The following RAB3C variants were observed in gnomAD, a reference collection of about 807,000 sequenced individuals.
The protein encoded by RAB3C is ras-related protein Rab-3C.
Under a neutral mutation model 26.4 loss-of-function variants are expected in RAB3C, and 17 were observed. That is an observed-to-expected ratio of 0.64 (90% CI 0.44 to 0.97). The LOEUF is 0.97. Among genes scored for constraint, RAB3C ranks in the 50% least tolerant of loss-of-function variants. The pLI, the probability that RAB3C is intolerant of heterozygous loss-of-function variation, is 0.00. For synonymous variants in RAB3C, 91 were observed against 95.9 expected (o/e 0.95, Z 0.30); for missense variants, 242 against 281.9 (o/e 0.86, Z 1.01).
At chr5:58,668,759 A>G (rs1342553705) in intron 2 of RAB3C, among the ~76,000 whole-genome samples, 1 of 152,144 alleles carries the variant, frequency 6.6e-6, no homozygotes, top group Non-Finnish European at 1.5e-5. Context: ...AGCCAAAAAT[A>G]GAGTTAGGGG....
intron 2 of RAB3C, among the ~76,000 whole-genome samples, chr5:58,665,745 G>A (rs159005): frequency 1.3e-5 from 2 of 152,068 alleles, no homozygotes; most frequent in East Asian, 1.9e-4. Flanking sequence ...TTCTATCTTC[G>A]TGGTAGCATC....
At chr5:58,825,205 T>A in intron 4 of RAB3C, 43 bp downstream of exon 4, 1 of 1,578,580 alleles carries the variant, frequency 6.3e-7, no homozygotes, top group Non-Finnish European at 8.6e-7. Flanking sequence ...ATAATTTGCT[T>A]ATTATATGTA....
intron 3 of RAB3C, among the ~76,000 whole-genome samples, chr5:58,808,924 C>T (rs190815304): frequency 2.2e-4 from 33 of 152,298 alleles, no homozygotes; most frequent in African/African-American, 7.7e-4. Context: ...ATTTGTAGAG[C>T]AAACATCTAA....
chr5:58,631,778 C>A (rs1747187826), intron 2 of RAB3C, among the ~76,000 whole-genome samples: 1 of 152,154 alleles, frequency 6.6e-6, no homozygotes, highest in African/African-American at 2.4e-5. Context: ...AATTAACCTT[C>A]AGGTTAAGAC....
At chr5:58,775,118 A>G (rs1742099498) in intron 3 of RAB3C, among the ~76,000 whole-genome samples, 1 of 152,154 alleles carries the variant, frequency 6.6e-6, no homozygotes, top group Non-Finnish European at 1.5e-5. Context: ...CATCTGAGAG[A>G]GAAGTGCTGT....
At chr5:58,700,621 A>T (rs2111877964) in intron 2 of RAB3C, among the ~76,000 whole-genome samples, 1 of 152,354 alleles carries the variant, frequency 6.6e-6, no homozygotes, top group Middle Eastern at 3.4e-3. Flanking sequence ...GTCTAAGATC[A>T]AGTGAGGTGA....
intron 2 of RAB3C, among the ~76,000 whole-genome samples, chr5:58,713,237 A>G (rs1396464480): frequency 6.6e-6 from 1 of 152,162 alleles, no homozygotes; most frequent in Non-Finnish European, 1.5e-5. Context: ...AGATAAGAGT[A>G]CAAAAGTGGC....
Position 58,858,480 on chromosome 5 carries a change from G to C in RAB3C, c.*7129G>C, listed in dbSNP as rs527386774. 5.3e-5 allele frequency: 8 copies of C among 152,272 alleles called. No individual in the cohort carries two copies. Among genetic ancestry groups the C allele is most frequent in the African/African-American group, 1.9e-4 (8 of 41,556 alleles). 9.4% of individuals were successfully genotyped at this position (152,272 alleles called of 1,614,324 possible). A position where few individuals can be genotyped will look rare whatever the true frequency, so the allele number is the denominator to read the frequency against. On this transcript the variant is annotated 3_prime_UTR_variant, in exon 5 of 5. Coordinates refer to ENST00000282878, the MANE Select transcript of RAB3C (RefSeq NM_138453.4). ...GCTCCTGCCCCTAATGAGAACAAGG[G>C]GGAAAAATCCAGATATAATCTAAAT...
At chr5:58,768,511 A>C (rs192977655) in intron 3 of RAB3C, among the ~76,000 whole-genome samples, 2 of 152,206 alleles carry the variant, frequency 1.3e-5, no homozygotes, top group African/African-American at 4.8e-5. Context: ...AGATGGTGAT[A>C]TGTGCTTTGA....
In RAB3C at chr5:58,787,227, G is replaced by C. The variant is rs1579918192; in HGVS notation, c.372-37811G>C. On this transcript the variant is annotated intron_variant, in intron 3 of 4. Transcript: ENST00000282878. Reference sequence around the variant, plus strand: ...CTGCCGCTAGGCTGGCTTCCTTTCTGAACCTGACCACGGAGTTCCTTACGA... The same window carrying C: ...CTGCCGCTAGGCTGGCTTCCTTTCTCAACCTGACCACGGAGTTCCTTACGA... Among the ~76,000 whole-genome samples the C allele has an allele frequency of 2.0e-5, 3 of 152,308 alleles. No individual in the cohort carries two copies. In the East Asian group the frequency reaches 5.8e-4, roughly 29 times the overall value.
Position 58,850,769 on chromosome 5 carries a change from G to A in RAB3C, c.497-395G>A, listed in dbSNP as rs146983022. On this transcript the variant is annotated intron_variant, in intron 4 of 4. Transcript: ENST00000282878. The stretch of plus-strand genomic sequence containing the variant: ...GAGTCTACATGGTGCGCTAGGGGTT[G>A]AGGGAAGGGATGGAAAATCTAGATT... 2.4e-3 allele frequency among the ~76,000 whole-genome samples: 361 copies of A among 152,298 alleles called. 1 individual carries two copies. Among genetic ancestry groups the A allele is most frequent in the African/African-American group, 8.3e-3 (345 of 41,574 alleles).
chr5:58,714,230 A>G (rs886917495), intron 2 of RAB3C, among the ~76,000 whole-genome samples: 2 of 152,180 alleles, frequency 1.3e-5, no homozygotes, highest in African/African-American at 2.4e-5. Context: ...TGAGGTCTTT[A>G]TCACAATAAA....
intron 1 of RAB3C, among the ~76,000 whole-genome samples, chr5:58,612,897 G>C (rs762204798): frequency 2.6e-5 from 4 of 151,970 alleles, no homozygotes; most frequent in Non-Finnish European, 5.9e-5. Context: ...TCCTTGTCTT[G>C]TGCTGGTTTT....
At chr5:58,670,386 T>G (rs1748090256) in intron 2 of RAB3C, among the ~76,000 whole-genome samples, 1 of 152,178 alleles carries the variant, frequency 6.6e-6, no homozygotes, top group Admixed American at 6.6e-5. Flanking sequence ...ACATAAGTGA[T>G]TTGTGCTCAA....
At chr5:58,777,231 A>G (rs1423000229) in intron 3 of RAB3C, among the ~76,000 whole-genome samples, 3 of 152,102 alleles carry the variant, frequency 2.0e-5, no homozygotes, top group African/African-American at 7.2e-5. Flanking sequence ...GAGAAAGTCC[A>G]AGTTTGCCCA....
rs537479698 is a variant in RAB3C, at chr5:58,704,858, G to A, written c.253-21144G>A. On this transcript the variant is annotated intron_variant, in intron 2 of 4. Transcript: ENST00000282878. ...GATCTTATAGCTAAACACCAGAAAG[G>A]CTGATTCTTGTTCACCATTAGTTAG... 4.6e-5 allele frequency among the ~76,000 whole-genome samples: 7 copies of A among 152,148 alleles called. No individual in the cohort carries two copies. In the East Asian group the frequency reaches 1.4e-3, roughly 29 times the overall value.
chr5:58,733,058 A>G lies in RAB3C; in HGVS notation c.371+6938A>G, dbSNP rs1389793370. ...GCTTATGTAGTGAGCTCTAGAAACA[A>G]TACTACCCAGTATATGTTACAAGTT... On this transcript the variant is annotated intron_variant, in intron 3 of 4. Coordinates refer to ENST00000282878, the MANE Select transcript of RAB3C (RefSeq NM_138453.4). Among the ~76,000 whole-genome samples, 4 of 152,178 alleles carry G rather than the reference A, an allele frequency of 2.6e-5. No homozygotes were observed. The East Asian group carries it at 7.7e-4, about 29-fold the overall frequency.
chr5:58,725,568 T>G lies in RAB3C; in HGVS notation c.253-434T>G, dbSNP rs574995746. On this transcript the variant is annotated intron_variant, in intron 2 of 4. Coordinates refer to ENST00000282878, the MANE Select transcript of RAB3C (RefSeq NM_138453.4). The stretch of plus-strand genomic sequence containing the variant: ...TTTGAATGCCAATAATTTTTAGATT[T>G]GGTCATTTGAAGTACAAATATAGAG... Among the ~76,000 whole-genome samples, 31 of 152,072 alleles carry G rather than the reference T, an allele frequency of 2.0e-4. No homozygotes were observed. The East Asian group carries it at 6.0e-3, about 29-fold the overall frequency.
At chr5:58,761,063 T>TCACACACACACACA (rs3060342) in intron 3 of RAB3C, among the ~76,000 whole-genome samples, 5 of 144,718 alleles carry the variant, frequency 3.5e-5, no homozygotes, top group African/African-American at 1.0e-4. Flanking sequence ...TCTCTCTCTC[T>TCACACACACACACA]CACACACACA....
Sources: allele counts gnomAD v4.1 joint callset (sites outside exome capture counted in the v4.1 genomes callset), GRCh38; gene constraint gnomAD v4.1.1; transcripts MANE v1.5; gene names NCBI Gene and HGNC (gene_info 2026-07-23, HGNC 2026-07-21).